The following TRPM3 variants were observed in gnomAD, a reference collection of about 807,000 sequenced individuals.
TRPM3 encodes long transient receptor potential channel 3.
TRPM3 carries 77 observed loss-of-function variants against 181.2 expected under a neutral mutation model. The ratio of observed to expected loss-of-function variants is 0.42; its 90% CI spans 0.35 to 0.51. The LOEUF (loss-of-function observed/expected upper bound fraction) is 0.51. Among genes scored for constraint, TRPM3 ranks in the 20% least tolerant of loss-of-function variants. The probability of loss-of-function intolerance (pLI) is 0.01; values close to 1 mark genes in which losing one functional copy is unlikely to be tolerated. For synonymous variants in TRPM3, 745 were observed against 796.4 expected, an observed-to-expected ratio of 0.94 and a Z score of 1.09; for missense variants, 1,759 against 2,196.7, an observed-to-expected ratio of 0.80 and a Z score of 3.98.
intron 1 of TRPM3, among the ~76,000 whole-genome samples, chr9:71,192,521 C>T (rs1412476095): frequency 6.6e-6 from 1 of 151,898 alleles, no homozygotes; most frequent in African/African-American, 2.4e-5. Context: ...TGATGTTGAG[C>T]ATGTTTTCAC....
chr9:70,911,546 A>G (rs1468431472), intron 1 of TRPM3, among the ~76,000 whole-genome samples: 2 of 152,192 alleles, frequency 1.3e-5, no homozygotes, highest in Non-Finnish European at 2.9e-5. Context: ...TCTTTAATTT[A>G]TATGTCTAAA....
chr9:71,119,758 G>A (rs2073212148), intron 1 of TRPM3, among the ~76,000 whole-genome samples: 1 of 152,110 alleles, frequency 6.6e-6, no homozygotes, highest in South Asian at 2.1e-4. Context: ...TAGTGATTCT[G>A]GAGAAAATGT....
At chr9:70,593,096 A>C (rs2058414453) in intron 21 of TRPM3, among the ~76,000 whole-genome samples, 1 of 152,218 alleles carries the variant, frequency 6.6e-6, no homozygotes, top group Admixed American at 6.5e-5. Flanking sequence ...TGTATGCCTT[A>C]GGACACTGGG....
chr9:71,401,567 C>A (rs991324398), intron 1 of TRPM3, among the ~76,000 whole-genome samples: 1 of 152,138 alleles, frequency 6.6e-6, no homozygotes, highest in Non-Finnish European at 1.5e-5. Flanking sequence ...GAAGAACTTA[C>A]CCTTGATGAG....
At chr9:70,578,547 A>C (rs2054685713) in intron 22 of TRPM3, among the ~76,000 whole-genome samples, 1 of 152,230 alleles carries the variant, frequency 6.6e-6, no homozygotes, top group Admixed American at 6.5e-5. Flanking sequence ...TTGACTGTTC[A>C]GACACCCTAA....
chr9:70,920,450 T>C (rs7041952), intron 1 of TRPM3, among the ~76,000 whole-genome samples: 4,107 of 152,276 alleles, frequency 0.027, 186 homozygotes, highest in African/African-American at 0.093. Flanking sequence ...TGACAGACCA[T>C]TTTAAAATGT....
At position 70,621,152 on chromosome 9, in the gene TRPM3, T is replaced by G; in HGVS notation, c.1839+92A>C. 5 of 450,668 alleles carry G rather than the reference T, an allele frequency of 1.1e-5. 1 individual carries two copies. The South Asian group carries it at 2.9e-4, about 26-fold the overall frequency. 27.9% of individuals were successfully genotyped at this position (450,668 alleles called of 1,614,324 possible). A position where few individuals can be genotyped will look rare whatever the true frequency, so the allele number is the denominator to read the frequency against. On this transcript the variant is annotated intron_variant, in intron 15 of 25. Coordinates refer to ENST00000677713, the MANE Select transcript of TRPM3 (RefSeq NM_001366145.2). ...ATATTATGTGTATATACACTATATA[T>G]TATTTTATATATATACTATATATGT...
intron 1 of TRPM3, among the ~76,000 whole-genome samples, chr9:71,382,728 T>C (rs1274947059): frequency 6.6e-6 from 1 of 151,830 alleles, no homozygotes; most frequent in African/African-American, 2.4e-5. Flanking sequence ...GTTTTTAATG[T>C]CCCTTGGTCT....
At chr9:71,347,177 A>G (rs1361486684) in intron 1 of TRPM3, among the ~76,000 whole-genome samples, 2 of 152,228 alleles carry the variant, frequency 1.3e-5, no homozygotes, top group African/African-American at 2.4e-5. Flanking sequence ...CCTGGACAAT[A>G]AATCATATGA....
intron 1 of TRPM3, among the ~76,000 whole-genome samples, chr9:70,956,114 G>A (rs1274902924): frequency 7.9e-5 from 12 of 152,058 alleles, no homozygotes; most frequent in Admixed American, 4.6e-4. Context: ...GGACCTAAAT[G>A]TTTGTTTACT....
At chr9:71,324,103 T>C (rs565411765) in intron 1 of TRPM3, among the ~76,000 whole-genome samples, 1 of 152,264 alleles carries the variant, frequency 6.6e-6, no homozygotes, top group Admixed American at 6.5e-5. Context: ...CACTAGATAC[T>C]GTAAAGTGGC....
At chr9:70,662,354 T>C (rs1158491965) in intron 9 of TRPM3, among the ~76,000 whole-genome samples, 1 of 152,180 alleles carries the variant, frequency 6.6e-6, no homozygotes, top group Non-Finnish European at 1.5e-5. Flanking sequence ...CTTCTGGACA[T>C]TGGCTTAGGC....
intron 6 of TRPM3, among the ~76,000 whole-genome samples, chr9:70,806,582 C>T (rs966989249): frequency 2.7e-4 from 41 of 152,016 alleles, no homozygotes; most frequent in Non-Finnish European, 3.5e-4. Flanking sequence ...CCCAGCTACT[C>T]GGGAGGCTGA....
chr9:70,816,287 A>G (rs2092682921), intron 6 of TRPM3, among the ~76,000 whole-genome samples: 1 of 152,240 alleles, frequency 6.6e-6, no homozygotes, highest in African/African-American at 2.4e-5. Flanking sequence ...GCCCTTCAGG[A>G]CTGTCTGTAT....
At chr9:71,141,275 T>C (rs2075085708) in intron 1 of TRPM3, among the ~76,000 whole-genome samples, 1 of 152,208 alleles carries the variant, frequency 6.6e-6, no homozygotes, top group Non-Finnish European at 1.5e-5. Flanking sequence ...GAGATCTTTA[T>C]TAATATCTCT....
chr9:71,213,613 C>T (rs2079654114), intron 1 of TRPM3, among the ~76,000 whole-genome samples: 1 of 152,040 alleles, frequency 6.6e-6, no homozygotes, highest in Admixed American at 6.6e-5. Flanking sequence ...TCATAAATAG[C>T]AATACTATGT....
chr9:71,032,734 T>G lies in TRPM3; in HGVS notation c.177+88444A>C, dbSNP rs28449367. On this transcript the variant is annotated intron_variant, in intron 1 of 25. Coordinates refer to ENST00000677713, the MANE Select transcript of TRPM3 (RefSeq NM_001366145.2). ...AGTGTGTCAGAATATTGTCCTTTGG[T>G]ATGTTATTTTGTGTAGTACATGGCT... Among the ~76,000 whole-genome samples, 338 of 152,324 alleles carry G rather than the reference T, an allele frequency of 2.2e-3. 1 individual carries two copies. The highest frequency in any genetic ancestry group is 7.9e-3 in the African/African-American group (327 of 41,568).
At chr9:70,687,543 C>T (rs2067284407) in intron 8 of TRPM3, among the ~76,000 whole-genome samples, 1 of 152,172 alleles carries the variant, frequency 6.6e-6, no homozygotes, top group Non-Finnish European at 1.5e-5. Flanking sequence ...AACATCAAAA[C>T]ATTTTGTTAA....
rs551503111 is a variant in TRPM3 at position 71,436,769 on chromosome 9, T to C, written c.183+9884A>G. Among the ~76,000 whole-genome samples, 5 of 152,282 alleles carry C rather than the reference T, an allele frequency of 3.3e-5. No individual in the cohort carries two copies. The East Asian group carries it at 7.7e-4, about 23-fold the overall frequency. On this transcript the variant is annotated intron_variant, in intron 1 of 24. Coordinates refer to the TRPM3 transcript ENST00000357533. ...ACAGAAACACAGCCCTGCTGACATCTTGATGTGTAGTCCAGTGAAACCCAT... is the reference window on the plus strand; with the variant it reads ...ACAGAAACACAGCCCTGCTGACATCCTGATGTGTAGTCCAGTGAAACCCAT...
Sources: gnomAD v4.1 joint callset for allele counts (sites outside exome capture counted in the v4.1 genomes callset) on GRCh38, gnomAD v4.1.1 for gene constraint, MANE v1.5 for transcripts, NCBI Gene and HGNC (gene_info 2026-07-23, HGNC 2026-07-21) for gene names.